The following FBXL2 variants were observed in gnomAD, a reference collection of about 807,000 sequenced individuals.
FBXL2 encodes the protein F-box and leucine rich repeat protein 2, also known as F-box/LRR-repeat protein 2.
FBXL2 carries 38 observed loss-of-function variants against 69.2 expected under a neutral mutation model. The ratio of observed to expected loss-of-function variants is 0.55; its 90% CI spans 0.42 to 0.72. The LOEUF (loss-of-function observed/expected upper bound fraction) is 0.72. Among genes scored for constraint, FBXL2 ranks in the 30% least tolerant of loss-of-function variants. The pLI is 0.00. For missense variants in FBXL2, 354 were observed against 520.3 expected (o/e 0.68, Z 3.11); for synonymous variants, 192 against 201.3 (o/e 0.95, Z 0.39).
chr3:33,408,871 C>A, the FBXL2 span: 1 of 1,278,098 alleles, frequency 7.8e-7, no homozygotes, highest in South Asian at 1.2e-5. Context: ...TGTTTCATGT[C>A]TCTTCAGTCC....
At chr3:33,359,055 T>C in intron 3 of FBXL2, 34 bp downstream of exon 3, 1 of 1,378,882 alleles carries the variant, frequency 7.3e-7, no homozygotes, top group South Asian at 1.5e-5. Flanking sequence ...AATCAATAAA[T>C]ATCAAGTTTT....
intron 2 of FBXL2, among the ~76,000 whole-genome samples, chr3:33,344,717 A>G (rs576208434): frequency 6.6e-6 from 1 of 152,330 alleles, no homozygotes; most frequent in African/African-American, 2.4e-5. Context: ...AGAAAATTAA[A>G]CCAAAATTAA....
At chr3:33,364,121 G>T (rs530693601) in intron 4 of FBXL2, among the ~76,000 whole-genome samples, 5 of 152,312 alleles carry the variant, frequency 3.3e-5, no homozygotes, top group African/African-American at 9.6e-5. Flanking sequence ...CAAAGCAAAT[G>T]TGTTTAAGCA....
At chr3:33,405,285 A>G (rs2044387456), downstream of FBXL2, among the ~76,000 whole-genome samples, 1 of 152,218 alleles carries the variant, frequency 6.6e-6, no homozygotes, top group African/African-American at 2.4e-5. Flanking sequence ...AAGGAAGAAC[A>G]GAGTAAAATC....
chr3:33,371,894 A>G (rs1045567922), intron 5 of FBXL2, among the ~76,000 whole-genome samples: 1 of 152,164 alleles, frequency 6.6e-6, no homozygotes, highest in Non-Finnish European at 1.5e-5. Flanking sequence ...AAGGAAGACT[A>G]TTCTCAATAC....
chr3:33,414,820 AC>A, the FBXL2 span, among the ~76,000 whole-genome samples: 2 of 152,148 alleles, frequency 1.3e-5, no homozygotes, highest in Non-Finnish European at 2.9e-5. Context: ...TTAAAAATGA[AC>A]CCTTTTCAAT....
chr3:33,411,917 G>A, the FBXL2 span, among the ~76,000 whole-genome samples: 3 of 151,932 alleles, frequency 2.0e-5, no homozygotes, highest in South Asian at 2.1e-4. Context: ...AAGGCTGAGC[G>A]TGGTGGCTCA....
At position 33,373,266 on chromosome 3, in the gene FBXL2, T is replaced by C. The variant is rs763949054; in HGVS notation, c.366T>C (p.Cys122=). ...TGCGTCTGCTCTTTTTCAGCACGTG[T>C]TATAGCCTTAGCAGATTCTGTTCCA... ...NGCTKITDST[C]YSLSRFCSKL... is the part of the protein sequence containing the mutation. Residue 122 remains cysteine (C), a synonymous_variant, in exon 7 of 15, where the codon TGT becomes TGC. Transcript: ENST00000484457. 2.7e-5 allele frequency: 43 copies of C among 1,613,962 alleles called. No individual in the cohort carries two copies. Among genetic ancestry groups the C allele is most frequent in the Non-Finnish European group, 8.5e-7 (1 of 1,179,942 alleles).
chr3:33,357,157 A>G (rs914126529), intron 2 of FBXL2, among the ~76,000 whole-genome samples: 2 of 152,222 alleles, frequency 1.3e-5, no homozygotes, highest in Non-Finnish European at 1.5e-5. Flanking sequence ...AATGTTAACT[A>G]TTTTTGTTAT....
chr3:33,343,189 A>G (rs1412989169), intron 2 of FBXL2, among the ~76,000 whole-genome samples: 1 of 152,030 alleles, frequency 6.6e-6, no homozygotes, highest in East Asian at 1.9e-4. Flanking sequence ...TGTAATATTC[A>G]TATGACACTT....
At chr3:33,374,576 A>T (rs2042515528) in intron 9 of FBXL2, among the ~76,000 whole-genome samples, 1 of 152,210 alleles carries the variant, frequency 6.6e-6, no homozygotes, top group South Asian at 2.1e-4. Context: ...TGGGGAAAAA[A>T]ACCAGAAACT....
chr3:33,328,699 G>T (rs2038903019), intron 2 of FBXL2, among the ~76,000 whole-genome samples: 1 of 151,864 alleles, frequency 6.6e-6, no homozygotes, highest in South Asian at 2.1e-4. Context: ...AACCCAAAAT[G>T]GATTAAAGAC....
intron 4 of FBXL2, among the ~76,000 whole-genome samples, chr3:33,362,269 G>T (rs1455910878): frequency 1.3e-5 from 2 of 152,206 alleles, no homozygotes; most frequent in Non-Finnish European, 2.9e-5. Flanking sequence ...TTTGTTGTCA[G>T]TGTCTTCATG....
intron 1 of FBXL2, among the ~76,000 whole-genome samples, chr3:33,285,446 C>T (rs1174227252): frequency 5.3e-5 from 8 of 152,148 alleles, no homozygotes; most frequent in African/African-American, 1.2e-4. Flanking sequence ...GTGGGTAACC[C>T]GACCTTTCTC....
rs548279418 is a variant in FBXL2, at chr3:33,282,633, T to C, written c.3+5118T>C. On this transcript the variant is annotated intron_variant, in intron 1 of 14. Coordinates refer to ENST00000484457, the MANE Select transcript of FBXL2 (RefSeq NM_012157.5). Reference sequence around the variant, plus strand: ...ATGGCATTGAATCTGTAAATTACCTTGGGCAGTATGGCCATTTTCACGATA... The same window carrying C: ...ATGGCATTGAATCTGTAAATTACCTCGGGCAGTATGGCCATTTTCACGATA... Among the ~76,000 whole-genome samples the C allele has an allele frequency of 1.9e-4, 29 of 152,348 alleles. No individual in the cohort carries two copies. The East Asian group carries it at 4.8e-3, about 25-fold the overall frequency.
At chr3:33,393,535 G>C in intron 12 of FBXL2, 1 of 1,388,358 alleles carries the variant, frequency 7.2e-7, no homozygotes, top group Non-Finnish European at 9.6e-7. Context: ...GGATCTGTAC[G>C]AAGGTCACAC....
At chr3:33,355,615 G>A (rs1480706569) in intron 2 of FBXL2, among the ~76,000 whole-genome samples, 5 of 152,168 alleles carry the variant, frequency 3.3e-5, no homozygotes, top group Admixed American at 3.3e-4. Flanking sequence ...AATTAAAACA[G>A]CCTTAGTGGC....
intron 2 of FBXL2, among the ~76,000 whole-genome samples, chr3:33,311,356 C>T (rs2037174134): frequency 6.6e-6 from 1 of 152,092 alleles, no homozygotes; most frequent in South Asian, 2.1e-4. Flanking sequence ...AAGCTTTCTA[C>T]CCGCCCCCAC....
chr3:33,301,230 CTGT>C (rs1362964795), intron 2 of FBXL2, among the ~76,000 whole-genome samples: 1 of 152,144 alleles, frequency 6.6e-6, no homozygotes, highest in African/African-American at 2.4e-5. Flanking sequence ...ACAGTGTAGT[CTGT>C]TGTTCCTAAT....
Sources: allele counts gnomAD v4.1 joint callset (sites outside exome capture counted in the v4.1 genomes callset), GRCh38; gene constraint gnomAD v4.1.1; transcripts MANE v1.5; gene names NCBI Gene and HGNC (gene_info 2026-07-23, HGNC 2026-07-21).